Variants in SYNPR observed in about 807,000 individuals in gnomAD.
The protein encoded by SYNPR is synaptoporin.
In SYNPR, 23 loss-of-function variants were observed where a neutral mutation model predicts 32.9. The ratio of observed to expected loss-of-function variants is 0.70; its 90% CI spans 0.50 to 0.99. The LOEUF (loss-of-function observed/expected upper bound fraction) is 0.99, where lower values mean the gene tolerates loss of function less well. SYNPR is among the 50% of genes least tolerant of loss of function. The pLI is 0.00. For synonymous variants in SYNPR, 146 were observed against 135.9 expected, an observed-to-expected ratio of 1.07 and a Z score of -0.52; for missense variants, 318 against 349.3, an observed-to-expected ratio of 0.91 and a Z score of 0.71.
chr3:63,307,151 A>G (rs2086917158), intron 2 of SYNPR, among the ~76,000 whole-genome samples: 1 of 151,978 alleles, frequency 6.6e-6, no homozygotes, highest in Non-Finnish European at 1.5e-5. Context: ...AATCCAGAAG[A>G]GGAGATAGAA....
chr3:63,419,194 CT>C (rs936314796), intron 2 of SYNPR, among the ~76,000 whole-genome samples: 27 of 152,328 alleles, frequency 1.8e-4, no homozygotes, highest in African/African-American at 6.5e-4. Flanking sequence ...GGCAAGCCCC[CT>C]GGATGTGGAC....
chr3:63,226,136 G>A (rs2086126463), upstream of SYNPR, among the ~76,000 whole-genome samples: 1 of 152,184 alleles, frequency 6.6e-6, no homozygotes, highest in Middle Eastern at 3.4e-3. Flanking sequence ...TCCAAATCAC[G>A]ATGAAATGGG....
intron 2 of SYNPR, among the ~76,000 whole-genome samples, chr3:63,461,039 G>A (rs1245905173): frequency 6.6e-6 from 1 of 151,858 alleles, no homozygotes; most frequent in African/African-American, 2.4e-5. Context: ...TGACTCTCAG[G>A]TTTGTTTTTT....
chr3:63,476,322 A>AGG (rs1336664025), intron 2 of SYNPR, among the ~76,000 whole-genome samples: 2,782 of 115,902 alleles, frequency 0.024, 151 homozygotes, highest in East Asian at 0.041. Flanking sequence ...GGAGGGAAGC[A>AGG]AGGGAAGGAA....
intron 1 of SYNPR, among the ~76,000 whole-genome samples, chr3:63,231,314 TG>T: frequency 6.6e-6 from 1 of 152,078 alleles, no homozygotes; most frequent in East Asian, 1.9e-4. Flanking sequence ...TAATCGACTC[TG>T]GGGACTGGTG....
chr3:63,477,405 A>G (rs1025976611), intron 2 of SYNPR, among the ~76,000 whole-genome samples: 4 of 152,214 alleles, frequency 2.6e-5, no homozygotes, highest in African/African-American at 4.8e-5. Context: ...TCAATCATAT[A>G]GTATGATTTC....
chr3:63,249,633 C>T (rs2086315659), intron 1 of SYNPR, among the ~76,000 whole-genome samples: 1 of 152,066 alleles, frequency 6.6e-6, no homozygotes, highest in South Asian at 2.1e-4. Flanking sequence ...CAAAATCTCA[C>T]AGATCACCTC....
chr3:63,211,787 C>A, the SYNPR span, among the ~76,000 whole-genome samples: 4 of 141,862 alleles, frequency 2.8e-5, no homozygotes, highest in Non-Finnish European at 6.1e-5. Flanking sequence ...TATACATGTG[C>A]CATGCTGGTG....
chr3:63,276,514 T>C (rs2086575053), upstream of SYNPR, among the ~76,000 whole-genome samples: 3 of 152,146 alleles, frequency 2.0e-5, no homozygotes. Flanking sequence ...ATTTTACAGA[T>C]TAAAACAAAG....
chr3:63,587,761 T>G (rs1703215988), intron 4 of SYNPR, among the ~76,000 whole-genome samples: 1 of 152,102 alleles, frequency 6.6e-6, no homozygotes, highest in Non-Finnish European at 1.5e-5. Flanking sequence ...TTAGGTATCC[T>G]TGAGGTAATT....
chr3:63,577,088 G>A (rs1488298660), intron 4 of SYNPR, among the ~76,000 whole-genome samples: 2 of 152,266 alleles, frequency 1.3e-5, no homozygotes, highest in African/African-American at 4.8e-5. Context: ...AAAGGACTGG[G>A]CAGATCTGGG....
chr3:63,423,791 ACC>A (rs1699842971), intron 2 of SYNPR: 3 of 152,254 alleles, frequency 2.0e-5, no homozygotes, highest in Admixed American at 2.0e-4. Context: ...ACATTCTGTT[ACC>A]AGCAGAATAG....
chr3:63,266,972 G>C (rs1256485418), intron 2 of SYNPR, among the ~76,000 whole-genome samples: 1 of 152,142 alleles, frequency 6.6e-6, no homozygotes, highest in Non-Finnish European at 1.5e-5. Context: ...GTCAAAAAAT[G>C]CAACTGTTAA....
chr3:63,495,435 A>G (rs9869834), intron 3 of SYNPR, among the ~76,000 whole-genome samples: 32,562 of 152,102 alleles, frequency 0.21, 3,587 homozygotes, highest in Non-Finnish European at 0.22. Context: ...CTGTGATATA[A>G]GAAGTAAGTG....
At chr3:63,596,693 C>T (rs1279316746) in intron 4 of SYNPR, among the ~76,000 whole-genome samples, 1 of 152,130 alleles carries the variant, frequency 6.6e-6, no homozygotes. Context: ...ATGTGGGAGG[C>T]ATGCTGGCCT....
At chr3:63,347,656 A>C (rs1401339054) in intron 2 of SYNPR, among the ~76,000 whole-genome samples, 1 of 152,092 alleles carries the variant, frequency 6.6e-6, no homozygotes. Context: ...CAAGTCTCCA[A>C]AGTCTGTTAT....
intron 3 of SYNPR, among the ~76,000 whole-genome samples, chr3:63,514,058 T>C (rs1468306583): frequency 6.6e-6 from 1 of 152,138 alleles, no homozygotes; most frequent in Non-Finnish European, 1.5e-5. Context: ...CAGTGAGCAA[T>C]ATCCAAAGTA....
At chr3:63,283,828 T>G (rs2086654741) in intron 2 of SYNPR, among the ~76,000 whole-genome samples, 1 of 145,244 alleles carries the variant, frequency 6.9e-6, no homozygotes, top group African/African-American at 2.6e-5. Context: ...TTTTTTTTTT[T>G]TTTTTTTGAG....
At chr3:63,596,371 CT>C (rs1374237207) in intron 4 of SYNPR, among the ~76,000 whole-genome samples, 1 of 149,456 alleles carries the variant, frequency 6.7e-6, no homozygotes, top group Non-Finnish European at 1.5e-5. Context: ...CTGTCTCCCC[CT>C]CTCCCTTTTT....
Sources: allele counts gnomAD v4.1 joint callset (sites outside exome capture counted in the v4.1 genomes callset), GRCh38; gene constraint gnomAD v4.1.1; transcripts MANE v1.5; gene names NCBI Gene and HGNC (gene_info 2026-07-23, HGNC 2026-07-21).